Variants in PARVA observed in about 807,000 individuals in gnomAD.
PARVA encodes the protein parvin alpha, also known as alpha-parvin.
Under a neutral mutation model 52.6 loss-of-function variants are expected in PARVA, and 25 were observed. That is an observed-to-expected ratio of 0.48 (90% confidence interval 0.35 to 0.66). PARVA has a LOEUF of 0.66. PARVA is among the 30% of genes least tolerant of loss of function. PARVA has a pLI of 0.01. For synonymous variants in PARVA, 185 were observed against 179.1 expected, an observed-to-expected ratio of 1.03 and a Z score of -0.26; for missense variants, 373 against 450.9, an observed-to-expected ratio of 0.83 and a Z score of 1.56.
intron 1 of PARVA, among the ~76,000 whole-genome samples, chr11:12,388,454 A>T (rs915382237): frequency 2.6e-5 from 4 of 152,220 alleles, no homozygotes; most frequent in Non-Finnish European, 5.9e-5. Flanking sequence ...GTGAACTTTT[A>T]TCAGCTTAAA....
chr11:12,499,357 C>T (rs1475367228), intron 5 of PARVA, among the ~76,000 whole-genome samples: 2 of 152,076 alleles, frequency 1.3e-5, no homozygotes, highest in Non-Finnish European at 1.5e-5. Flanking sequence ...ACTGTGGCGC[C>T]TCTCCGCTCA....
chr11:12,450,577 A>C (rs1196265760), intron 1 of PARVA, among the ~76,000 whole-genome samples: 3 of 152,216 alleles, frequency 2.0e-5, no homozygotes, highest in African/African-American at 7.2e-5. Context: ...AGCATACATG[A>C]AAGGGAGTTT....
At chr11:12,433,521 G>T (rs76220478) in intron 1 of PARVA, among the ~76,000 whole-genome samples, 11,343 of 152,012 alleles carry the variant, frequency 0.075, 884 homozygotes, top group East Asian at 0.24. Context: ...TTTGTTTTTT[G>T]TTTTTTTAAG....
At chr11:12,508,499 C>T (rs566793907) in intron 6 of PARVA, 85 bp from the exon 7 acceptor site, 9 of 933,058 alleles carry the variant, frequency 9.6e-6, no homozygotes, top group Middle Eastern at 4.2e-4. Flanking sequence ...TTCTCATTAT[C>T]AGGAATGCTC....
At chr11:12,419,704 A>C (rs1415436753) in intron 1 of PARVA, among the ~76,000 whole-genome samples, 1 of 152,220 alleles carries the variant, frequency 6.6e-6, no homozygotes, top group Non-Finnish European at 1.5e-5. Flanking sequence ...TGTTTTCCAC[A>C]GTAGCTGCAC....
chr11:12,494,973 T>G (rs932555683), intron 4 of PARVA, among the ~76,000 whole-genome samples: 1 of 152,180 alleles, frequency 6.6e-6, no homozygotes, highest in African/African-American at 2.4e-5. Flanking sequence ...AAAGTAAGAT[T>G]AAAATAACTT....
At chr11:12,491,149 A>T (rs1171302886) in intron 4 of PARVA, among the ~76,000 whole-genome samples, 1 of 152,168 alleles carries the variant, frequency 6.6e-6, no homozygotes, top group South Asian at 2.1e-4. Context: ...CTTGCCAAAT[A>T]CTATATACAA....
chr11:12,377,712 C>T lies in PARVA; in HGVS notation c.65C>T (p.Ser22Phe), dbSNP rs778529124. 5.7e-6 allele frequency: 9 copies of T among 1,566,192 alleles called. No homozygotes were observed. In the East Asian group the frequency reaches 2.1e-4, roughly 36 times the overall value. Reference sequence around the variant, plus strand: ...TCTCCCACTCCCAAGTCGCCCCCGTCCCGCAAGAAAGATGATTCCTTCTTG... The same window carrying T: ...TCTCCCACTCCCAAGTCGCCCCCGTTCCGCAAGAAAGATGATTCCTTCTTG... ...PKSPTPKSPP[S>F]RKKDDSFLGK... The change falls in exon 1 of 13, where the codon TCC (serine) becomes TTC (phenylalanine). Residue 22 changes from serine (S) to phenylalanine (F), a missense_variant. By Grantham distance (155) the Ser-to-Phe change is radical. Transcript: ENST00000334956.
At chr11:12,415,065 C>T (rs927984793) in intron 1 of PARVA, among the ~76,000 whole-genome samples, 2 of 152,174 alleles carry the variant, frequency 1.3e-5, no homozygotes, top group Admixed American at 6.5e-5. Flanking sequence ...GTTTTCCATC[C>T]CATCCCAACA....
chr11:12,473,320 C>A (rs1019600076), intron 1 of PARVA, among the ~76,000 whole-genome samples: 3 of 152,096 alleles, frequency 2.0e-5, no homozygotes, highest in Admixed American at 1.3e-4. Flanking sequence ...TGCCTTACAG[C>A]GTACATATAG....
intron 1 of PARVA, among the ~76,000 whole-genome samples, chr11:12,443,449 C>T (rs998723175): frequency 1.4e-4 from 21 of 152,082 alleles, no homozygotes; most frequent in South Asian, 2.1e-4. Context: ...GGATTACAGG[C>T]GTGAGGCACC....
intron 1 of PARVA, among the ~76,000 whole-genome samples, chr11:12,419,508 C>G (rs2134982789): frequency 6.6e-6 from 1 of 152,260 alleles, no homozygotes; most frequent in South Asian, 2.1e-4. Context: ...TTTTGTTTAT[C>G]CATTCATCCA....
rs1200536181 is a variant in PARVA, at chr11:12,518,515, A to C, written c.1040A>C (p.Glu347Ala). ...GGLEKPKPRPEDIVNCDLKST... is the reference protein window; with the variant it reads ...GGLEKPKPRPADIVNCDLKST... ...TTGGAAAAGCCAAAACCGCGGCCAG[A>C]AGGTACTTTGCTCTTTCCTGGGTTT... The change falls in exon 12 of 13, where the codon GAA becomes GCA. Residue 347 changes from glutamate (E) to alanine (A), a missense_variant and splice_region_variant. Physicochemically the swap from Glu to Ala is moderately radical, Grantham distance 107 (BLOSUM62 -1). Transcript: ENST00000334956. The C allele has an allele frequency of 3.7e-6, 6 of 1,611,394 alleles. No individual in the cohort carries two copies. Among genetic ancestry groups the C allele is most frequent in the Admixed American group, 1.7e-5 (1 of 59,884 alleles).
intron 1 of PARVA, among the ~76,000 whole-genome samples, chr11:12,378,070 C>T (rs1939429387): frequency 1.3e-5 from 2 of 150,810 alleles, no homozygotes; most frequent in South Asian, 4.1e-4. Context: ...GGGCCGTGGG[C>T]GGGCGCCGCT....
intron 4 of PARVA, among the ~76,000 whole-genome samples, chr11:12,481,661 C>A (rs886448814): frequency 6.6e-6 from 1 of 152,280 alleles, no homozygotes; most frequent in East Asian, 1.9e-4. Context: ...AGTGCCCTTA[C>A]GTGGTGGTAT....
chr11:12,430,326 A>C (rs1289273655), intron 1 of PARVA, among the ~76,000 whole-genome samples: 3 of 152,198 alleles, frequency 2.0e-5, no homozygotes, highest in Non-Finnish European at 4.4e-5. Flanking sequence ...TGTATTTTAA[A>C]TTTTAATAAT....
At chr11:12,522,800 AAACAG>A (rs1054897280) in intron 12 of PARVA, among the ~76,000 whole-genome samples, 22 of 151,936 alleles carry the variant, frequency 1.4e-4, no homozygotes, top group Middle Eastern at 3.4e-3. Context: ...AAAAAAAAAA[AAACAG>A]ACAGCTCATG....
At chr11:12,510,423 C>T (rs549413912) in intron 7 of PARVA, among the ~76,000 whole-genome samples, 1 of 152,132 alleles carries the variant, frequency 6.6e-6, no homozygotes, top group East Asian at 1.9e-4. Context: ...TTAATAATCA[C>T]AACATCTGAT....
At chr11:12,406,661 GTTTTTT>G (rs571973101) in intron 1 of PARVA, among the ~76,000 whole-genome samples, 15 of 77,790 alleles carry the variant, frequency 1.9e-4, no homozygotes, top group African/African-American at 5.4e-4. Flanking sequence ...GGTTGTATCT[GTTTTTT>G]TTTTTTTTTT....
Sources: gnomAD v4.1 joint callset for allele counts (sites outside exome capture counted in the v4.1 genomes callset) on GRCh38, gnomAD v4.1.1 for gene constraint, MANE v1.5 for transcripts, NCBI Gene and HGNC (gene_info 2026-07-23, HGNC 2026-07-21) for gene names.